The following VAV2 variants were observed in gnomAD, a reference collection of about 807,000 sequenced individuals.
VAV2 encodes the protein vav guanine nucleotide exchange factor 2.
VAV2 carries 67 observed loss-of-function variants against 132.5 expected under a neutral mutation model. The observed-to-expected ratio is 0.51, with a 90% CI of 0.42 to 0.62. The LOEUF (loss-of-function observed/expected upper bound fraction) is 0.62. Among genes scored for constraint, VAV2 ranks in the 20% least tolerant of loss-of-function variants. The pLI, the probability that VAV2 is intolerant of heterozygous loss-of-function variation, is 0.00. For missense variants in VAV2, 938 were observed against 1,153.6 expected (o/e 0.81, Z 2.71); for synonymous variants, 492 against 443.5 (o/e 1.11, Z -1.37).
intron 27 of VAV2, 146 bp downstream of exon 27, chr9:133,770,232 C>A (rs548544657): frequency 3.0e-6 from 4 of 1,318,554 alleles, no homozygotes; most frequent in Admixed American, 2.4e-5. Flanking sequence ...ACAGCATCTG[C>A]GATGGCTGGG....
intron 2 of VAV2, among the ~76,000 whole-genome samples, chr9:133,937,813 C>T (rs1205762996): frequency 1.3e-5 from 2 of 152,206 alleles, no homozygotes; most frequent in Non-Finnish European, 2.9e-5. Context: ...CATCAAACTC[C>T]CAGGCAGGTG....
chr9:133,764,224 G>C (rs568537372), intron 29 of VAV2, 115 bp from the exon 30 acceptor site: 2 of 1,353,922 alleles, frequency 1.5e-6, no homozygotes, highest in Non-Finnish European at 2.0e-6. Flanking sequence ...GGGGCCCTTC[G>C]GAAGTCCAGA....
At chr9:133,946,348 C>T (rs149679491) in intron 1 of VAV2, among the ~76,000 whole-genome samples, 228 of 152,346 alleles carry the variant, frequency 1.5e-3, no homozygotes, top group Non-Finnish European at 2.4e-3. Context: ...CCCATGTGCT[C>T]CTTGCTGCAA....
chr9:133,855,834 C>T (rs1837363186), intron 3 of VAV2, among the ~76,000 whole-genome samples: 1 of 152,218 alleles, frequency 6.6e-6, no homozygotes, highest in African/African-American at 2.4e-5. Flanking sequence ...CAACCTCAGC[C>T]TGACCCCTGT....
intron 3 of VAV2, among the ~76,000 whole-genome samples, chr9:133,850,416 T>C (rs1837119804): frequency 6.6e-6 from 1 of 152,172 alleles, no homozygotes; most frequent in Non-Finnish European, 1.5e-5. Flanking sequence ...GCTCCTGCTA[T>C]GTCCCAGCAC....
intron 2 of VAV2, among the ~76,000 whole-genome samples, chr9:133,921,554 T>C (rs917923447): frequency 6.6e-6 from 1 of 152,128 alleles, no homozygotes; most frequent in South Asian, 2.1e-4. Flanking sequence ...CTGCAGCCTC[T>C]CCCTGTGCCT....
rs368787564 is a variant in VAV2, at chr9:133,947,543, T to C, written c.205-8324A>G. On this transcript the variant is annotated intron_variant, in intron 1 of 29. Transcript: ENST00000371850. Reference sequence around the variant, plus strand: ...GGTGAAACCTCGTCTCTACTAAAAATACAAAATTAGCCAGGCGTGGTGGCG... The same window carrying C: ...GGTGAAACCTCGTCTCTACTAAAAACACAAAATTAGCCAGGCGTGGTGGCG... Among the ~76,000 whole-genome samples the C allele has an allele frequency of 4.5e-4, 69 of 151,946 alleles. No homozygotes were observed. In the East Asian group the frequency reaches 9.5e-3, roughly 21 times the overall value.
chr9:133,902,596 T>G (rs532530325), intron 2 of VAV2, among the ~76,000 whole-genome samples: 3 of 151,996 alleles, frequency 2.0e-5, no homozygotes, highest in Non-Finnish European at 4.4e-5. Context: ...ACACATCTGC[T>G]CAAAAGAAAA....
At chr9:133,903,452 A>G (rs1839521876) in intron 2 of VAV2, among the ~76,000 whole-genome samples, 1 of 152,190 alleles carries the variant, frequency 6.6e-6, no homozygotes, top group Non-Finnish European at 1.5e-5. Context: ...ATCAGGCTCA[A>G]AAGACAGGGG....
At chr9:133,974,228 C>T (rs1015143736) in intron 1 of VAV2, among the ~76,000 whole-genome samples, 2 of 152,124 alleles carry the variant, frequency 1.3e-5, no homozygotes, top group African/African-American at 2.4e-5. Context: ...CCTGTCTGCC[C>T]GGAGCCAGGC....
intron 1 of VAV2, among the ~76,000 whole-genome samples, chr9:133,981,821 C>G (rs1842703627): frequency 6.6e-6 from 1 of 152,228 alleles, no homozygotes; most frequent in South Asian, 2.1e-4. Context: ...CACGAGGAGC[C>G]CGGCCTCTGT....
intron 1 of VAV2, among the ~76,000 whole-genome samples, chr9:133,970,702 C>G (rs1842302160): frequency 6.6e-6 from 1 of 152,198 alleles, no homozygotes; most frequent in Non-Finnish European, 1.5e-5. Context: ...CCTCAGGCCC[C>G]AGGGGCAGGC....
intron 2 of VAV2, among the ~76,000 whole-genome samples, chr9:133,881,480 G>A (rs529610037): frequency 2.0e-5 from 3 of 152,344 alleles, no homozygotes; most frequent in South Asian, 2.1e-4. Context: ...AAGCTCTGAC[G>A]GATTCCCAGG....
At chr9:133,859,680 C>T (rs542780284) in intron 3 of VAV2, among the ~76,000 whole-genome samples, 34 of 151,722 alleles carry the variant, frequency 2.2e-4, no homozygotes, top group African/African-American at 8.0e-4. Context: ...AACCACGCCA[C>T]TGACAGTACT....
Position 133,857,450 on chromosome 9 carries a change from AG to A in VAV2, c.380+3923del, listed in dbSNP as rs1837427802. 6.6e-6 allele frequency among the ~76,000 whole-genome samples: 1 copy of A among 152,212 alleles called. No homozygotes were observed. Among genetic ancestry groups the A allele is most frequent in the South Asian group, 2.1e-4 (1 of 4,830 alleles). ...AAATCAGCTCATTATGCAAAGTGCA[AG>A]GGTTGTGAAAATGATTTTTTGAAGG... On this transcript the variant is annotated intron_variant, in intron 3 of 29. Transcript: ENST00000371850. The surrounding 1 kb of genome is among the most constrained non-coding windows in gnomAD (Gnocchi z 4.0).
intron 2 of VAV2, among the ~76,000 whole-genome samples, chr9:133,889,275 G>A (rs1336031717): frequency 2.0e-5 from 3 of 152,186 alleles, no homozygotes; most frequent in African/African-American, 7.2e-5. Flanking sequence ...AGCGGGTGCC[G>A]AAGGGTGGGG....
chr9:133,794,924 G>A lies in VAV2; in HGVS notation c.1101+744C>T, dbSNP rs769646469. 1.3e-5 allele frequency among the ~76,000 whole-genome samples: 2 copies of A among 152,374 alleles called. No homozygotes were observed. The highest frequency in any genetic ancestry group is 2.4e-5 in the African/African-American group (1 of 41,580). On this transcript the variant is annotated intron_variant, in intron 12 of 29. Transcript: ENST00000371850. The surrounding 1 kb of genome is among the most constrained non-coding windows in gnomAD (Gnocchi z 4.6). ...TGGGGGGCGATCCTCCCTGGAAAACGTTCTGTCCACAGTGAAGGCAGGATG... is the reference window on the plus strand; with the variant it reads ...TGGGGGGCGATCCTCCCTGGAAAACATTCTGTCCACAGTGAAGGCAGGATG...
chr9:133,920,717 G>A (rs797022495), intron 2 of VAV2, among the ~76,000 whole-genome samples: 28 of 152,192 alleles, frequency 1.8e-4, no homozygotes, highest in African/African-American at 6.5e-4. Flanking sequence ...GGGGGATGCT[G>A]TCTGTCACTG....
chr9:133,795,900 G>T (rs1834694373), intron 11 of VAV2, among the ~76,000 whole-genome samples, 164 bp from the exon 12 acceptor site: 1 of 152,216 alleles, frequency 6.6e-6, no homozygotes, highest in Non-Finnish European at 1.5e-5. Flanking sequence ...AAAGGACAGA[G>T]AGTGACTCCT....
Sources: allele counts gnomAD v4.1 joint callset (sites outside exome capture counted in the v4.1 genomes callset), GRCh38; gene constraint gnomAD v4.1.1; non-coding constraint Gnocchi (gnomAD v3.1); transcripts MANE v1.5; gene names NCBI Gene and HGNC (gene_info 2026-07-23, HGNC 2026-07-21).